OXR1: variants seen among roughly 807,000 people sequenced by gnomAD.
OXR1 encodes oxidation resistance protein 1.
Under a neutral mutation model 104.6 loss-of-function variants are expected in OXR1, and 41 were observed. That is an observed-to-expected ratio of 0.39 (90% CI 0.31 to 0.51). The LOEUF (loss-of-function observed/expected upper bound fraction) is 0.51. Ranked by LOEUF, OXR1 falls within the 20% of genes least tolerant of loss-of-function variation. OXR1 has a pLI of 0.77. For synonymous variants in OXR1, 348 were observed against 348.4 expected, an observed-to-expected ratio of 1.00 and a Z score of 0.01; for missense variants, 955 against 1,031.9, an observed-to-expected ratio of 0.93 and a Z score of 1.02.
In OXR1 at chr8:106,578,979, TTTTC is replaced by T. The variant is rs1285370679; in HGVS notation, c.220+59848_220+59851del. Among the ~76,000 whole-genome samples, 57 of 109,238 alleles carry T rather than the reference TTTTC, an allele frequency of 5.2e-4. 1 individual carries two copies. Among genetic ancestry groups the T allele is most frequent in the South Asian group, 2.2e-3 (8 of 3,606 alleles). The allele number at this position is 109,238 out of a possible 152,430, so 71.7% of individuals were successfully genotyped here. ...TAGTGACCACCTAGGTAACCTCACT[TTTTC>T]TTTCTTTTTTTTTTTTTTTGCCTAG... On this transcript the variant is annotated intron_variant, in intron 3 of 16. Transcript: ENST00000517566.
chr8:106,425,810 T>C (rs1384892451), intron 2 of OXR1, among the ~76,000 whole-genome samples: 1 of 152,188 alleles, frequency 6.6e-6, no homozygotes, highest in African/African-American at 2.4e-5. Flanking sequence ...CGCAGGTCTT[T>C]TTATTCATTC....
chr8:106,703,829 A>G (rs566075238), intron 8 of OXR1, among the ~76,000 whole-genome samples: 2 of 152,288 alleles, frequency 1.3e-5, no homozygotes, highest in African/African-American at 2.4e-5. Flanking sequence ...AAGGAAATTG[A>G]TATGTACTAG....
chr8:106,471,593 A>G (rs556102621), intron 2 of OXR1, among the ~76,000 whole-genome samples: 3 of 152,010 alleles, frequency 2.0e-5, no homozygotes, highest in Non-Finnish European at 2.9e-5. Context: ...GCTACAATAC[A>G]GCTAGATTGC....
chr8:106,481,431 A>G (rs1221385832), intron 2 of OXR1, among the ~76,000 whole-genome samples: 1 of 152,070 alleles, frequency 6.6e-6, no homozygotes, highest in Non-Finnish European at 1.5e-5. Flanking sequence ...TTTTAAACAT[A>G]AGAAAACTTT....
At chr8:106,584,583 A>T (rs1818491502) in intron 3 of OXR1, among the ~76,000 whole-genome samples, 1 of 152,120 alleles carries the variant, frequency 6.6e-6, no homozygotes, top group Non-Finnish European at 1.5e-5. Context: ...GCTACGAAGT[A>T]AGAGTATGCC....
intron 1 of OXR1, among the ~76,000 whole-genome samples, chr8:106,338,047 C>G (rs1335112324): frequency 6.6e-6 from 1 of 152,138 alleles, no homozygotes; most frequent in Non-Finnish European, 1.5e-5. Flanking sequence ...TCTATTTTAT[C>G]TGTTAAACAA....
intron 3 of OXR1, among the ~76,000 whole-genome samples, chr8:106,638,991 T>C (rs1208967271): frequency 1.3e-5 from 2 of 151,992 alleles, no homozygotes; most frequent in East Asian, 3.9e-4. Context: ...AGCTCATGAA[T>C]GGGACAGCAT....
At chr8:106,305,248 G>T (rs886825154) in intron 1 of OXR1, among the ~76,000 whole-genome samples, 1 of 151,990 alleles carries the variant, frequency 6.6e-6, no homozygotes, top group Non-Finnish European at 1.5e-5. Flanking sequence ...AGCCAAATTT[G>T]TGTTAACAAG....
intron 1 of OXR1, among the ~76,000 whole-genome samples, chr8:106,302,636 T>C (rs149356542): frequency 0.023 from 3,493 of 151,012 alleles, 48 homozygotes; most frequent in South Asian, 0.097. Context: ...AGGTATAATA[T>C]AATGACAGAG....
At chr8:106,597,363 C>A (rs1375423485) in intron 3 of OXR1, among the ~76,000 whole-genome samples, 2 of 152,128 alleles carry the variant, frequency 1.3e-5, no homozygotes, top group Non-Finnish European at 2.9e-5. Flanking sequence ...CTTCCAGAAC[C>A]TGCAGGCACC....
At chr8:106,730,504 T>C (rs947324943) in intron 11 of OXR1, among the ~76,000 whole-genome samples, 2 of 152,208 alleles carry the variant, frequency 1.3e-5, no homozygotes, top group African/African-American at 4.8e-5. Flanking sequence ...TCAGATTGGC[T>C]TCTTTCACTT....
chr8:106,331,887 A>G (rs1298227025), intron 1 of OXR1, among the ~76,000 whole-genome samples: 1 of 151,958 alleles, frequency 6.6e-6, no homozygotes, highest in Admixed American at 6.6e-5. Flanking sequence ...GTAGTGAGAC[A>G]AGAACGCACC....
intron 1 of OXR1, among the ~76,000 whole-genome samples, chr8:106,344,169 G>T (rs1021443387): frequency 6.6e-6 from 1 of 152,154 alleles, no homozygotes; most frequent in Non-Finnish European, 1.5e-5. Context: ...GGGGTTCCCT[G>T]GTTTTAGGAG....
At chr8:106,294,395 C>CAAAAAAAAAAAAA (rs1200997871) in intron 1 of OXR1, among the ~76,000 whole-genome samples, 6 of 70,366 alleles carry the variant, frequency 8.5e-5, no homozygotes, top group African/African-American at 1.9e-4. Context: ...GACTCTGTCT[C>CAAAAAAAAAAAAA]AAAAAAAAAA....
chr8:106,290,785 A>C (rs189731191), intron 1 of OXR1, among the ~76,000 whole-genome samples: 26 of 152,288 alleles, frequency 1.7e-4, no homozygotes, highest in African/African-American at 6.3e-4. Context: ...TATTAAAGTC[A>C]AACAAGAGAC....
At chr8:106,398,439 C>T (rs60154315) in intron 2 of OXR1, among the ~76,000 whole-genome samples, 6,091 of 152,160 alleles carry the variant, frequency 0.04, 408 homozygotes, top group African/African-American at 0.14. Flanking sequence ...AAGCCCCATG[C>T]ACTCAAGGAG....
At chr8:106,522,590 A>G (rs1411495544) in intron 3 of OXR1, 2 of 152,214 alleles carry the variant, frequency 1.3e-5, no homozygotes, top group African/African-American at 4.8e-5. Flanking sequence ...AAATAAATGA[A>G]TCTTCAGATA....
At chr8:106,293,893 C>T (rs1055808238) in intron 1 of OXR1, among the ~76,000 whole-genome samples, 1 of 151,270 alleles carries the variant, frequency 6.6e-6, no homozygotes, top group African/African-American at 2.4e-5. Context: ...GATAAAGCTT[C>T]CAACAAATGA....
rs1278906480 is a variant in OXR1, at chr8:106,700,217, C to A, written c.676-2689C>A. 2.0e-5 allele frequency among the ~76,000 whole-genome samples: 3 copies of A among 152,186 alleles called. No homozygotes were observed. In the East Asian group the frequency reaches 5.8e-4, roughly 29 times the overall value. ...TTGAAAACGTCTTGCTCATAATAGT[C>A]TTAATATAATCCTGATAATATGTAG... On this transcript the variant is annotated intron_variant, in intron 7 of 16. Transcript: ENST00000517566.
Sources: gnomAD v4.1 joint callset for allele counts (sites outside exome capture counted in the v4.1 genomes callset) on GRCh38, gnomAD v4.1.1 for gene constraint, MANE v1.5 for transcripts, NCBI Gene and HGNC (gene_info 2026-07-23, HGNC 2026-07-21) for gene names.